MACROD2: variants seen among roughly 807,000 people sequenced by gnomAD.
MACROD2 encodes ADP-ribose glycohydrolase MACROD2.
MACROD2 carries 36 observed loss-of-function variants against 70.4 expected under a neutral mutation model. The ratio of observed to expected loss-of-function variants is 0.51; its 90% CI spans 0.39 to 0.68. The LOEUF (loss-of-function observed/expected upper bound fraction) is 0.68, where lower values mean the gene tolerates loss of function less well. Among genes scored for constraint, MACROD2 ranks in the 30% least tolerant of loss-of-function variants. MACROD2 has a pLI of 0.00. For missense variants in MACROD2, 496 were observed against 538.4 expected (o/e 0.92, Z 0.78); for synonymous variants, 172 against 178.8 (o/e 0.96, Z 0.30).
rs564366389 is a variant in MACROD2 at position 14,589,027 on chromosome 20, A to G, written c.301+95519A>G. ...TTTTAGTTTAGTCACATTATCTCAG[A>G]AAAAAAGTGTCCTGTATGACTTTCT... On this transcript the variant is annotated intron_variant, in intron 4 of 17. Coordinates refer to ENST00000684519, the MANE Select transcript of MACROD2 (RefSeq NM_001351661.2). Among the ~76,000 whole-genome samples the G allele has an allele frequency of 3.9e-5, 6 of 152,238 alleles. No individual in the cohort carries two copies. In the East Asian group the frequency reaches 1.2e-3, roughly 29 times the overall value.
At chr20:14,473,897 T>A (rs2084559389) in intron 3 of MACROD2, among the ~76,000 whole-genome samples, 1 of 152,166 alleles carries the variant, frequency 6.6e-6, no homozygotes, top group Non-Finnish European at 1.5e-5. Context: ...TCCCTGATGA[T>A]TATTGATGGT....
chr20:14,642,353 G>A (rs1385769525), intron 4 of MACROD2, among the ~76,000 whole-genome samples: 2 of 152,120 alleles, frequency 1.3e-5, no homozygotes, highest in Non-Finnish European at 2.9e-5. Flanking sequence ...GTAAAGGGCT[G>A]TTTCAGTTTC....
At chr20:14,834,281 A>G (rs1234059937) in intron 5 of MACROD2, among the ~76,000 whole-genome samples, 1 of 151,950 alleles carries the variant, frequency 6.6e-6, no homozygotes, top group Non-Finnish European at 1.5e-5. Context: ...TTAACAATCA[A>G]ACTTCAGAGG....
chr20:14,698,404 C>T (rs1425640513), intron 5 of MACROD2, among the ~76,000 whole-genome samples: 1 of 152,144 alleles, frequency 6.6e-6, no homozygotes, highest in African/African-American at 2.4e-5. Context: ...GGGAGGCTCT[C>T]ATGAGTTAAT....
At chr20:15,574,017 G>A (rs1277105791) in intron 8 of MACROD2, among the ~76,000 whole-genome samples, 2 of 152,114 alleles carry the variant, frequency 1.3e-5, no homozygotes, top group Admixed American at 1.3e-4. Flanking sequence ...CTTAGACCTT[G>A]GTCCAGCATG....
At chr20:14,255,372 A>G (rs1437920354) in intron 3 of MACROD2, among the ~76,000 whole-genome samples, 1 of 152,114 alleles carries the variant, frequency 6.6e-6, no homozygotes, top group South Asian at 2.1e-4. Flanking sequence ...GGATGAGTTC[A>G]TGTCCTTTGT....
intron 15 of MACROD2, among the ~76,000 whole-genome samples, chr20:16,008,708 C>CA (rs1489586330): frequency 1.3e-5 from 2 of 152,160 alleles, no homozygotes; most frequent in African/African-American, 4.8e-5. Flanking sequence ...AGTAAACTCT[C>CA]AATCAATATT....
chr20:14,324,995 A>G (rs2082711065), intron 3 of MACROD2: 1 of 152,628 alleles, frequency 6.6e-6, no homozygotes, highest in African/African-American at 2.4e-5. Context: ...GATATTGCCC[A>G]TTACTTCACA....
intron 4 of MACROD2, among the ~76,000 whole-genome samples, chr20:14,669,070 G>A (rs1340333991): frequency 6.6e-6 from 1 of 152,104 alleles, no homozygotes; most frequent in Non-Finnish European, 1.5e-5. Context: ...CTGCTCCTAA[G>A]TTATTTCTTC....
chr20:15,427,868 C>A (rs978010235), intron 6 of MACROD2, among the ~76,000 whole-genome samples: 1 of 152,104 alleles, frequency 6.6e-6, no homozygotes, highest in Admixed American at 6.5e-5. Context: ...GTGATTTTTT[C>A]CCCCTGGGAA....
chr20:14,869,010 A>G (rs1235757127), intron 5 of MACROD2, among the ~76,000 whole-genome samples: 1 of 152,190 alleles, frequency 6.6e-6, no homozygotes, highest in African/African-American at 2.4e-5. Flanking sequence ...AATTATCAGG[A>G]ACTCCAAAAG....
At position 14,966,849 on chromosome 20, in the gene MACROD2, G is replaced by A. The variant is rs1304485624; in HGVS notation, c.419-263091G>A. 2.0e-5 allele frequency among the ~76,000 whole-genome samples: 3 copies of A among 152,106 alleles called. No homozygotes were observed. The East Asian group carries it at 5.8e-4, about 29-fold the overall frequency. On this transcript the variant is annotated intron_variant, in intron 5 of 17. Transcript: ENST00000684519. Reference sequence around the variant, plus strand: ...ATTTTTTTATCACTGTTGTGCCAATGGGTATTTGAATTTTTCCTATTCATA... The same window carrying A: ...ATTTTTTTATCACTGTTGTGCCAATAGGTATTTGAATTTTTCCTATTCATA...
intron 8 of MACROD2, among the ~76,000 whole-genome samples, chr20:15,615,005 G>A (rs896802170): frequency 1.3e-5 from 2 of 152,190 alleles, no homozygotes; most frequent in Non-Finnish European, 2.9e-5. Context: ...CATTTGTGGT[G>A]TGTGCAGGGT....
At chr20:14,074,451 A>C (rs1022048065) in intron 2 of MACROD2, among the ~76,000 whole-genome samples, 1 of 152,176 alleles carries the variant, frequency 6.6e-6, no homozygotes, top group Non-Finnish European at 1.5e-5. Flanking sequence ...TCTGACTCCT[A>C]AACCATTGCC....
intron 8 of MACROD2, among the ~76,000 whole-genome samples, chr20:15,677,241 A>G (rs1400285011): frequency 6.6e-6 from 1 of 152,184 alleles, no homozygotes; most frequent in Non-Finnish European, 1.5e-5. Flanking sequence ...TTTATCCTAG[A>G]TAAGCAAGAT....
chr20:15,574,868 T>C (rs1469113568), intron 8 of MACROD2, among the ~76,000 whole-genome samples: 2 of 152,220 alleles, frequency 1.3e-5, no homozygotes, highest in African/African-American at 4.8e-5. Context: ...TTCATTTTCT[T>C]CTAATTTAAC....
intron 10 of MACROD2, among the ~76,000 whole-genome samples, chr20:15,898,315 C>G (rs1047464911): frequency 6.6e-6 from 1 of 151,978 alleles, no homozygotes; most frequent in Admixed American, 6.6e-5. Context: ...TTTGGGAGCC[C>G]GAGGCGGGTG....
intron 5 of MACROD2, among the ~76,000 whole-genome samples, chr20:15,081,677 G>A (rs1220364087): frequency 6.6e-6 from 1 of 151,998 alleles, no homozygotes. Context: ...AACCAAGAGG[G>A]GTGAGTAGAG....
At chr20:14,157,050 A>G (rs1486202201) in intron 3 of MACROD2, among the ~76,000 whole-genome samples, 2 of 152,208 alleles carry the variant, frequency 1.3e-5, no homozygotes, top group Non-Finnish European at 2.9e-5. Context: ...CCAATTCTTG[A>G]AAGAAACTGG....
Sources: allele counts gnomAD v4.1 joint callset (sites outside exome capture counted in the v4.1 genomes callset), GRCh38; gene constraint gnomAD v4.1.1; transcripts MANE v1.5; gene names NCBI Gene and HGNC (gene_info 2026-07-23, HGNC 2026-07-21).